The following MTUS2 variants were observed in gnomAD, a reference collection of about 807,000 sequenced individuals.
MTUS2 encodes the protein microtubule associated scaffold protein 2, also known as microtubule-associated tumor suppressor candidate 2.
Under a neutral mutation model 114.1 loss-of-function variants are expected in MTUS2, and 40 were observed. The ratio of observed to expected loss-of-function variants is 0.35; its 90% CI spans 0.27 to 0.46. The LOEUF (loss-of-function observed/expected upper bound fraction) is 0.46, where lower values mean the gene tolerates loss of function less well. Ranked by LOEUF, MTUS2 falls within the 20% of genes least tolerant of loss-of-function variation. The pLI is 1.00. For synonymous variants in MTUS2, 688 were observed against 672.0 expected (o/e 1.02, Z -0.37); for missense variants, 1,679 against 1,705.4 (o/e 0.98, Z 0.27).
intron 6 of MTUS2, among the ~76,000 whole-genome samples, chr13:29,288,568 GTA>G (rs774918854): frequency 2.6e-5 from 4 of 152,186 alleles, no homozygotes; most frequent in Non-Finnish European, 5.9e-5. Flanking sequence ...GGTGAGAAAA[GTA>G]AAGAATTACT....
At chr13:28,872,024 C>T (rs1222880739) in intron 2 of MTUS2, among the ~76,000 whole-genome samples, 8 of 152,188 alleles carry the variant, frequency 5.3e-5, no homozygotes, top group Non-Finnish European at 1.0e-4. Context: ...GTTTATTCCA[C>T]ATGTGGCAGG....
chr13:29,301,083 G>A (rs1173793954), intron 6 of MTUS2, among the ~76,000 whole-genome samples: 2 of 152,144 alleles, frequency 1.3e-5, no homozygotes, highest in Admixed American at 1.3e-4. Flanking sequence ...ACCACTTTGG[G>A]CCCACACTTT....
chr13:28,876,810 G>A (rs571278367), intron 2 of MTUS2, among the ~76,000 whole-genome samples: 2 of 152,220 alleles, frequency 1.3e-5, no homozygotes, highest in East Asian at 3.9e-4. Context: ...ATCAAACAAT[G>A]TTCCTTATCC....
intron 5 of MTUS2, among the ~76,000 whole-genome samples, chr13:29,113,667 T>C (rs1890970287): frequency 6.6e-6 from 1 of 152,134 alleles, no homozygotes; most frequent in East Asian, 1.9e-4. Context: ...GATTATCGGT[T>C]TGGATTTTTT....
intron 2 of MTUS2, among the ~76,000 whole-genome samples, chr13:28,961,732 C>T (rs945678519): frequency 2.1e-4 from 32 of 152,074 alleles, no homozygotes; most frequent in African/African-American, 6.0e-4. Context: ...ATCTAAGATA[C>T]GTAGTTTTGC....
chr13:29,312,850 G>A (rs7331072), intron 6 of MTUS2, among the ~76,000 whole-genome samples: 26,940 of 152,056 alleles, frequency 0.18, 2,757 homozygotes, highest in East Asian at 0.39. Flanking sequence ...ATTTCTCATT[G>A]ATCATTTACA....
intron 7 of MTUS2, among the ~76,000 whole-genome samples, chr13:29,328,662 G>C (rs1900633396): frequency 6.6e-6 from 1 of 152,142 alleles, no homozygotes; most frequent in South Asian, 2.1e-4. Context: ...AGATTTCAAA[G>C]CTCTCAGGCT....
intron 8 of MTUS2, among the ~76,000 whole-genome samples, chr13:29,399,146 C>T (rs182610047): frequency 1.1e-3 from 169 of 152,326 alleles, no homozygotes; most frequent in Non-Finnish European, 9.8e-4. Context: ...CATGCTTCCC[C>T]TTTATAGATC....
At chr13:29,243,464 T>G (rs1020373990) in intron 5 of MTUS2, among the ~76,000 whole-genome samples, 5 of 152,156 alleles carry the variant, frequency 3.3e-5, no homozygotes, top group African/African-American at 1.2e-4. Context: ...ATTGATGACA[T>G]TTGCTTTCAA....
At chr13:29,383,344 A>T (rs946845141) in intron 8 of MTUS2, among the ~76,000 whole-genome samples, 2 of 151,852 alleles carry the variant, frequency 1.3e-5, no homozygotes, top group African/African-American at 2.4e-5. Flanking sequence ...TGAATACTAA[A>T]GGAAAAGGAA....
chr13:29,464,244 T>C (rs1053763944), intron 9 of MTUS2, among the ~76,000 whole-genome samples: 1 of 152,138 alleles, frequency 6.6e-6, no homozygotes, highest in African/African-American at 2.4e-5. Context: ...CTAAGAGATG[T>C]GGAGGATGAG....
At chr13:28,998,711 G>T (rs1389527538) in intron 2 of MTUS2, among the ~76,000 whole-genome samples, 1 of 152,148 alleles carries the variant, frequency 6.6e-6, no homozygotes, top group African/African-American at 2.4e-5. Flanking sequence ...CATTTGTCAC[G>T]TAGTTCTTGT....
chr13:29,000,548 T>G (rs1232060161), intron 2 of MTUS2, among the ~76,000 whole-genome samples: 2 of 152,076 alleles, frequency 1.3e-5, no homozygotes, highest in Non-Finnish European at 2.9e-5. Context: ...GTAGTTTTGG[T>G]AGAAACAGGG....
chr13:28,851,065 C>G (rs574581433), intron 2 of MTUS2, among the ~76,000 whole-genome samples: 1 of 152,268 alleles, frequency 6.6e-6, no homozygotes, highest in East Asian at 1.9e-4. Flanking sequence ...AGGATGGAAG[C>G]TTGTTCTTGC....
At chr13:28,871,240 C>A (rs764953774) in intron 2 of MTUS2, among the ~76,000 whole-genome samples, 12 of 152,082 alleles carry the variant, frequency 7.9e-5, no homozygotes, top group Non-Finnish European at 1.5e-4. Flanking sequence ...TAGCACTGAC[C>A]CACAAGCCCT....
intron 2 of MTUS2, among the ~76,000 whole-genome samples, chr13:28,995,243 C>G (rs1162829409): frequency 6.6e-6 from 1 of 152,168 alleles, no homozygotes; most frequent in Non-Finnish European, 1.5e-5. Context: ...GGGCTGTGTT[C>G]TGTTCCATTG....
rs59195646 is a variant in MTUS2, at chr13:29,181,485, AC to A, written c.2644+80516del. The stretch of plus-strand genomic sequence containing the variant: ...AGAAAGCTAGTTTCCTGATGCCAGC[AC>A]TTTTTGAAGCTGTAGTAGGCAAAGC... On this transcript the variant is annotated intron_variant, in intron 5 of 15. Coordinates refer to ENST00000612955, the MANE Select transcript of MTUS2 (RefSeq NM_001033602.4). Among the ~76,000 whole-genome samples the A allele has an allele frequency of 6.8e-3, 1,033 of 152,288 alleles. 9 individuals carry two copies. Among genetic ancestry groups the A allele is most frequent in the African/African-American group, 0.024 (998 of 41,558 alleles).
intron 2 of MTUS2, among the ~76,000 whole-genome samples, chr13:28,881,410 GC>G (rs754482736): frequency 6.6e-6 from 1 of 151,890 alleles, no homozygotes; most frequent in Non-Finnish European, 1.5e-5. Context: ...CTATGATTTT[GC>G]TGTTGTGAAT....
At chr13:28,910,287 C>T (rs1048275502) in intron 2 of MTUS2, among the ~76,000 whole-genome samples, 5 of 152,174 alleles carry the variant, frequency 3.3e-5, no homozygotes, top group Admixed American at 2.0e-4. Flanking sequence ...TGAAGTTTCT[C>T]TTTCTGTGCC....
Sources: allele counts gnomAD v4.1 joint callset (sites outside exome capture counted in the v4.1 genomes callset), GRCh38; gene constraint gnomAD v4.1.1; transcripts MANE v1.5; gene names NCBI Gene and HGNC (gene_info 2026-07-23, HGNC 2026-07-21).